The following KHDRBS1 variants were observed in gnomAD, a reference collection of about 807,000 sequenced individuals.
KHDRBS1 encodes KH RNA binding domain containing, signal transduction associated 1.
Under a neutral mutation model 48.4 loss-of-function variants are expected in KHDRBS1, and 7 were observed. The ratio of observed to expected loss-of-function variants is 0.14; its 90% CI spans 0.08 to 0.27. The LOEUF (loss-of-function observed/expected upper bound fraction) is 0.27. KHDRBS1 is among the 10% of genes least tolerant of loss of function. KHDRBS1 has a pLI of 1.00. For synonymous variants in KHDRBS1, 241 were observed against 235.8 expected, an observed-to-expected ratio of 1.02 and a Z score of -0.20; for missense variants, 458 against 601.2, an observed-to-expected ratio of 0.76 and a Z score of 2.49.
intron 10 of KHDRBS1, chr1:32,060,022 A>G (rs1360054707): frequency 1.3e-5 from 2 of 152,194 alleles, no homozygotes; most frequent in African/African-American, 4.8e-5. Flanking sequence ...CTGTGTACCC[A>G]AGAAACTTGT....
Position 32,042,635 on chromosome 1 carries a change from G to C in KHDRBS1, c.*11G>C. 6.5e-7 allele frequency: 1 copy of C among 1,531,698 alleles called. No homozygotes were observed. The highest frequency in any genetic ancestry group is 9.0e-7 in the Non-Finnish European group (1 of 1,105,678). The allele number at this position is 1,531,698 out of a possible 1,614,324, so 94.9% of individuals were successfully genotyped here. A position where few individuals can be genotyped will look rare whatever the true frequency, so the allele number is the denominator to read the frequency against. ...TATGGACGTTATTAAAAACAAACAT[G>C]AGGGGAAAATATCAGTTATGAGCAA... On this transcript the variant is annotated 3_prime_UTR_variant, in exon 9 of 9. Coordinates refer to ENST00000327300, the MANE Select transcript of KHDRBS1 (RefSeq NM_006559.3).
At chr1:32,038,189 A>G (rs1639221102) in intron 6 of KHDRBS1, 153 bp downstream of exon 6, 2 of 1,258,460 alleles carry the variant, frequency 1.6e-6, no homozygotes, top group South Asian at 1.6e-5. Context: ...TTGAACTATT[A>G]GAAGATTTTT....
rs535424970 is a variant in KHDRBS1, at chr1:32,016,086, G to A, written c.382+1709G>A. 8.5e-4 allele frequency among the ~76,000 whole-genome samples: 128 copies of A among 151,374 alleles called. 1 individual carries two copies. Among genetic ancestry groups the A allele is most frequent in the African/African-American group, 2.8e-3 (114 of 41,180 alleles). On this transcript the variant is annotated intron_variant, in intron 1 of 8. Transcript: ENST00000327300. ...CCAGCTACTTTGGAAGCTGAGGCAG[G>A]AAAATCACTTGAACCTGGGAAGCGA...
downstream of KHDRBS1, among the ~76,000 whole-genome samples, chr1:32,045,099 ACCT>A (rs1160191998): frequency 1.2e-4 from 19 of 152,128 alleles, no homozygotes; most frequent in African/African-American, 4.1e-4. Flanking sequence ...TGTAGATTAG[ACCT>A]CCTGCTGCAC....
chr1:32,037,182 ACT>A (rs1639199882), intron 5 of KHDRBS1, 139 bp downstream of exon 5: 22 of 936,482 alleles, frequency 2.3e-5, no homozygotes, highest in Non-Finnish European at 3.1e-5. Context: ...CTACAACCAT[ACT>A]CTCACACCTG....
intron 8 of KHDRBS1, 98 bp from the exon 9 acceptor site, chr1:32,042,429 C>T (rs1639296911): frequency 5.4e-6 from 4 of 744,894 alleles, no homozygotes; most frequent in South Asian, 4.9e-5. Flanking sequence ...TTAGAAGAAA[C>T]TCAGTGTTTT....
chr1:32,056,325 A>G (rs557243449), intron 10 of KHDRBS1, among the ~76,000 whole-genome samples: 1 of 152,278 alleles, frequency 6.6e-6, no homozygotes, highest in Admixed American at 6.5e-5. Flanking sequence ...ACTCCTTAAA[A>G]AAGACAGCTT....
chr1:32,034,167 G>C (rs1387601453), intron 4 of KHDRBS1, among the ~76,000 whole-genome samples: 1 of 152,202 alleles, frequency 6.6e-6, no homozygotes, highest in Non-Finnish European at 1.5e-5. Flanking sequence ...CAGAAAACTA[G>C]GAGGAGGTAA....
At chr1:32,045,740 G>A (rs1639348971), downstream of KHDRBS1, among the ~76,000 whole-genome samples, 3 of 152,324 alleles carry the variant, frequency 2.0e-5, no homozygotes, top group East Asian at 1.9e-4. Context: ...TGTTCAGTGC[G>A]AAGGATAAAA....
At chr1:32,026,489 T>C (rs1638972945) in intron 1 of KHDRBS1, among the ~76,000 whole-genome samples, 1 of 152,112 alleles carries the variant, frequency 6.6e-6, no homozygotes, top group African/African-American at 2.4e-5. Context: ...GTGAAATAAT[T>C]GGACAGAAGG....
At chr1:32,014,992 GATAA>G (rs1410695097) in intron 1 of KHDRBS1, among the ~76,000 whole-genome samples, 1 of 152,174 alleles carries the variant, frequency 6.6e-6, no homozygotes, top group Non-Finnish European at 1.5e-5. Flanking sequence ...GACTAAGGCT[GATAA>G]AATAAGAATT....
intron 10 of KHDRBS1, among the ~76,000 whole-genome samples, chr1:32,049,489 T>C (rs1639393036): frequency 6.6e-6 from 1 of 152,034 alleles, no homozygotes; most frequent in African/African-American, 2.4e-5. Context: ...CATTTATTCA[T>C]TGATCCATTG....
Position 32,013,881 on chromosome 1 carries a change from G to C in KHDRBS1, c.-115G>C. On this transcript the variant is annotated 5_prime_UTR_variant, in exon 1 of 9. Coordinates refer to ENST00000327300, the MANE Select transcript of KHDRBS1 (RefSeq NM_006559.3). The stretch of plus-strand genomic sequence containing the variant: ...TTCCGGTGCTCTCTCTCGCTGGGTC[G>C]CTCGGGTCGGCTTCGGTCGCTACCG... 9.8e-7 allele frequency: 1 copy of C among 1,017,336 alleles called. No individual in the cohort carries two copies. 63.0% of individuals were successfully genotyped at this position (1,017,336 alleles called of 1,614,324 possible). A position where few individuals can be genotyped will look rare whatever the true frequency, so the allele number is the denominator to read the frequency against.
rs567409783 is a variant in KHDRBS1, at chr1:32,060,673, T to G, written n.1812T>G. The G allele has an allele frequency of 2.0e-5, 3 of 152,330 alleles. No homozygotes were observed. In the South Asian group the frequency reaches 6.2e-4, roughly 32 times the overall value. The allele number at this position is 152,330 out of a possible 1,614,324, so 9.4% of individuals were successfully genotyped here. A position where few individuals can be genotyped will look rare whatever the true frequency, so the allele number is the denominator to read the frequency against. Reference sequence around the variant, plus strand: ...GGCTGAGGAAAGCCAAGTGAGAAGATTCAATTAATTTGGGCAAGTTATTTA... The same window carrying G: ...GGCTGAGGAAAGCCAAGTGAGAAGAGTCAATTAATTTGGGCAAGTTATTTA... On this transcript the variant is annotated non_coding_transcript_exon_variant, in exon 11 of 11. Transcript: ENST00000484270.
chr1:32,015,500 A>G (rs1638722869), intron 1 of KHDRBS1, among the ~76,000 whole-genome samples: 1 of 152,164 alleles, frequency 6.6e-6, no homozygotes, highest in African/African-American at 2.4e-5. Context: ...GTCTCCCAAC[A>G]CTGTAAGGTA....
intron 1 of KHDRBS1, among the ~76,000 whole-genome samples, chr1:32,018,613 C>G (rs1284094298): frequency 6.6e-6 from 1 of 152,000 alleles, no homozygotes; most frequent in Admixed American, 6.6e-5. Flanking sequence ...AAAAATTAGC[C>G]GGGCGCAGTG....
At chr1:32,046,279 A>G (rs979869875), downstream of KHDRBS1, among the ~76,000 whole-genome samples, 5 of 151,908 alleles carry the variant, frequency 3.3e-5, no homozygotes, top group African/African-American at 1.2e-4. Context: ...CAGTGGCGCA[A>G]TCTCAGCTCA....
chr1:32,046,847 A>G (rs751127303), downstream of KHDRBS1, among the ~76,000 whole-genome samples: 2 of 152,180 alleles, frequency 1.3e-5, no homozygotes, highest in Non-Finnish European at 2.9e-5. Context: ...AGAGAGGGGC[A>G]TATGTACTGA....
intron 1 of KHDRBS1, among the ~76,000 whole-genome samples, chr1:32,024,666 T>C (rs1323567652): frequency 6.6e-6 from 1 of 152,012 alleles, no homozygotes; most frequent in East Asian, 1.9e-4. Flanking sequence ...ACTTTAACAA[T>C]TTTATGACCT....
Sources: allele counts gnomAD v4.1 joint callset (sites outside exome capture counted in the v4.1 genomes callset), GRCh38; gene constraint gnomAD v4.1.1; transcripts MANE v1.5; gene names NCBI Gene and HGNC (gene_info 2026-07-23, HGNC 2026-07-21).